ATXN1: variants seen among roughly 807,000 people sequenced by gnomAD.
ATXN1 encodes ataxin-1.
A neutral mutation model predicts 56.4 loss-of-function variants in ATXN1; 8 were observed. The ratio of observed to expected loss-of-function variants is 0.14; its 90% CI spans 0.08 to 0.26. The LOEUF is 0.26. Among genes scored for constraint, ATXN1 ranks in the 10% least tolerant of loss-of-function variants. ATXN1 has a pLI of 1.00. For synonymous variants in ATXN1, 514 were observed against 494.6 expected, an observed-to-expected ratio of 1.04 and a Z score of -0.52; for missense variants, 987 against 1,106.5, an observed-to-expected ratio of 0.89 and a Z score of 1.53.
chr6:16,385,833 T>C (rs926753744), intron 6 of ATXN1, among the ~76,000 whole-genome samples: 8 of 152,232 alleles, frequency 5.3e-5, no homozygotes, highest in African/African-American at 1.7e-4. Flanking sequence ...TTGCAACTTA[T>C]TCAAAGAATA....
intron 2 of ATXN1, among the ~76,000 whole-genome samples, chr6:16,673,163 A>C (rs1472346043): frequency 7.8e-6 from 1 of 127,486 alleles, no homozygotes; most frequent in Non-Finnish European, 1.7e-5. Context: ...TCTGACCTGC[A>C]GAACTGTCAG....
intron 6 of ATXN1, among the ~76,000 whole-genome samples, chr6:16,464,011 G>C (rs1760050797): frequency 6.6e-6 from 1 of 152,178 alleles, no homozygotes; most frequent in African/African-American, 2.4e-5. Context: ...TACAACTGCA[G>C]GGCCCCTTCT....
At chr6:16,476,130 C>T (rs1037921495) in intron 6 of ATXN1, among the ~76,000 whole-genome samples, 7 of 152,164 alleles carry the variant, frequency 4.6e-5, no homozygotes, top group African/African-American at 1.7e-4. Flanking sequence ...GCCTTGGCTT[C>T]CCAAAGTGCT....
At chr6:16,493,915 G>A (rs758066928) in intron 5 of ATXN1, among the ~76,000 whole-genome samples, 4 of 152,178 alleles carry the variant, frequency 2.6e-5, no homozygotes, top group African/African-American at 7.2e-5. Flanking sequence ...TCCTTTCTGA[G>A]GAATAAAGAG....
chr6:16,739,237 A>T (rs1760249483), intron 2 of ATXN1: 1 of 151,534 alleles, frequency 6.6e-6, no homozygotes, highest in African/African-American at 2.4e-5. Context: ...ATAACTTTTT[A>T]AAATAAGCCC....
chr6:16,642,903 A>AT (rs1763731306), intron 3 of ATXN1, among the ~76,000 whole-genome samples: 1 of 152,246 alleles, frequency 6.6e-6, no homozygotes, highest in South Asian at 2.1e-4. Flanking sequence ...ATGCACTGGA[A>AT]AACCAAAAAA....
chr6:16,346,107 G>A (rs1761381454), intron 6 of ATXN1, among the ~76,000 whole-genome samples: 1 of 152,170 alleles, frequency 6.6e-6, no homozygotes, highest in African/African-American at 2.4e-5. Flanking sequence ...CAGAGCTGGA[G>A]CGCAGTCACG....
chr6:16,469,196 A>G (rs1195345674), intron 6 of ATXN1, among the ~76,000 whole-genome samples: 2 of 152,250 alleles, frequency 1.3e-5, no homozygotes, highest in African/African-American at 4.8e-5. Flanking sequence ...GTGACATTCT[A>G]TTAGGGCCTG....
At chr6:16,602,651 C>T (rs777884197) in intron 3 of ATXN1, among the ~76,000 whole-genome samples, 1 of 152,090 alleles carries the variant, frequency 6.6e-6, no homozygotes, top group Non-Finnish European at 1.5e-5. Context: ...GGGGTTTCAC[C>T]GTGTTGGCCA....
chr6:16,471,246 A>G (rs991788993), intron 6 of ATXN1, among the ~76,000 whole-genome samples: 1 of 152,044 alleles, frequency 6.6e-6, no homozygotes. Flanking sequence ...AAAGGGCTTC[A>G]TCAGAAGATG....
At chr6:16,624,718 A>T (rs111313235) in intron 3 of ATXN1, among the ~76,000 whole-genome samples, 1 of 152,228 alleles carries the variant, frequency 6.6e-6, no homozygotes, top group Non-Finnish European at 1.5e-5. Context: ...GTGAAAGTCT[A>T]AAGTTACTGC....
At chr6:16,587,827 A>T (rs1219762220) in intron 3 of ATXN1, among the ~76,000 whole-genome samples, 1 of 151,610 alleles carries the variant, frequency 6.6e-6, no homozygotes, top group African/African-American at 2.4e-5. Flanking sequence ...GTGACCCGGG[A>T]GGCTGAGGCA....
At chr6:16,359,279 G>C (rs769485801) in intron 6 of ATXN1, among the ~76,000 whole-genome samples, 8 of 152,180 alleles carry the variant, frequency 5.3e-5, no homozygotes, top group Non-Finnish European at 1.0e-4. Context: ...GCCGACCAGA[G>C]TGGGGACTCG....
intron 6 of ATXN1, among the ~76,000 whole-genome samples, chr6:16,423,071 G>A (rs1759069160): frequency 1.3e-5 from 2 of 152,256 alleles, no homozygotes; most frequent in Admixed American, 1.3e-4. Context: ...AGGGGTAGGG[G>A]GAGTCTTTAT....
chr6:16,338,494 A>G (rs1761175757), intron 6 of ATXN1, among the ~76,000 whole-genome samples: 1 of 152,188 alleles, frequency 6.6e-6, no homozygotes, highest in African/African-American at 2.4e-5. Flanking sequence ...CTCCATCTCA[A>G]AATAATAATT....
intron 2 of ATXN1, among the ~76,000 whole-genome samples, chr6:16,718,886 A>G (rs555325135): frequency 6.6e-6 from 1 of 152,372 alleles, no homozygotes; most frequent in Admixed American, 6.5e-5. Flanking sequence ...GAATTTTCAC[A>G]TAGGATTCAT....
rs1217256663 is a variant in ATXN1 at position 16,515,436 on chromosome 6, AC to A, written c.-299+7190del. Among the ~76,000 whole-genome samples the A allele has an allele frequency of 2.6e-5, 4 of 152,084 alleles. No individual in the cohort carries two copies. In the East Asian group the frequency reaches 7.7e-4, roughly 29 times the overall value. ...TCCCTACCACTACCACCCCCAAACC[AC>A]AAACCAACAAGAAGCACCGTGTCCT... On this transcript the variant is annotated intron_variant, in intron 5 of 7. Transcript: ENST00000436367.
chr6:16,415,182 CAATT>C (rs775314250), intron 6 of ATXN1, among the ~76,000 whole-genome samples: 47 of 152,116 alleles, frequency 3.1e-4, no homozygotes, highest in East Asian at 1.4e-3. Flanking sequence ...GAAATTTGGC[CAATT>C]AATTAATATT....
intron 6 of ATXN1, among the ~76,000 whole-genome samples, chr6:16,482,155 C>A (rs1269865015): frequency 1.3e-5 from 2 of 152,136 alleles, no homozygotes; most frequent in African/African-American, 4.8e-5. Flanking sequence ...CTCATCAGAA[C>A]AGCATGTATG....
Sources: allele counts gnomAD v4.1 joint callset (sites outside exome capture counted in the v4.1 genomes callset), GRCh38; gene constraint gnomAD v4.1.1; transcripts MANE v1.5; gene names NCBI Gene and HGNC (gene_info 2026-07-23, HGNC 2026-07-21).